Variants in SLC24A2 observed in about 807,000 individuals in gnomAD.
SLC24A2 encodes solute carrier family 24 member 2, also known as sodium/potassium/calcium exchanger 2.
In SLC24A2, 36 loss-of-function variants were observed where a neutral mutation model predicts 62.0. That is an observed-to-expected ratio of 0.58 (90% confidence interval 0.44 to 0.77). SLC24A2 has a LOEUF of 0.77. Ranked by LOEUF, SLC24A2 falls within the 30% of genes least tolerant of loss-of-function variation. SLC24A2 has a pLI of 0.00. For missense variants in SLC24A2, 846 were observed against 817.9 expected (o/e 1.03, Z -0.42); for synonymous variants, 358 against 294.0 (o/e 1.22, Z -2.23).
the SLC24A2 span, among the ~76,000 whole-genome samples, chr9:19,889,807 C>T: frequency 2.0e-5 from 3 of 152,086 alleles, no homozygotes; most frequent in Non-Finnish European, 4.4e-5. Flanking sequence ...TTAGTTTTTT[C>T]TTTTGCTCCA....
At chr9:19,577,720 A>G (rs1229114933) in intron 5 of SLC24A2, among the ~76,000 whole-genome samples, 1 of 152,026 alleles carries the variant, frequency 6.6e-6, no homozygotes, top group African/African-American at 2.4e-5. Flanking sequence ...TGCTTTGGGA[A>G]TGGTGCTGGA....
chr9:19,566,861 C>CA, intron 7 of SLC24A2, among the ~76,000 whole-genome samples: 1 of 147,178 alleles, frequency 6.8e-6, no homozygotes, highest in East Asian at 2.0e-4. Context: ...ATCGCAAGAA[C>CA]AAAAAACCAA....
the SLC24A2 span, among the ~76,000 whole-genome samples, chr9:19,880,940 C>T: frequency 6.6e-6 from 1 of 152,092 alleles, no homozygotes; most frequent in East Asian, 1.9e-4. Context: ...TGCTTAGGTT[C>T]CAGTCTTGGC....
the SLC24A2 span, among the ~76,000 whole-genome samples, chr9:20,248,940 T>A: frequency 6.6e-6 from 1 of 152,026 alleles, no homozygotes; most frequent in Non-Finnish European, 1.5e-5. Flanking sequence ...TCTCCCTTTC[T>A]CCCCCTGGAA....
intron 2 of SLC24A2, among the ~76,000 whole-genome samples, chr9:19,651,518 CAAGG>C (rs1367997145): frequency 2.0e-5 from 3 of 152,304 alleles, no homozygotes; most frequent in Admixed American, 2.0e-4. Context: ...CATTAGACAG[CAAGG>C]AAATATGGTT....
At chr9:20,033,488 T>C in the SLC24A2 span, among the ~76,000 whole-genome samples, 8 of 152,226 alleles carry the variant, frequency 5.3e-5, no homozygotes, top group African/African-American at 1.7e-4. Context: ...TACTTTTTAG[T>C]AGACAGGTGG....
the SLC24A2 span, among the ~76,000 whole-genome samples, chr9:20,295,711 T>C: frequency 6.6e-6 from 1 of 152,218 alleles, no homozygotes; most frequent in Admixed American, 6.5e-5. Flanking sequence ...CTTACACCAG[T>C]GGCACTCTGG....
chr9:19,517,937 A>ACACACACACACACACACACT (rs2132626167), intron 10 of SLC24A2, among the ~76,000 whole-genome samples: 1 of 148,594 alleles, frequency 6.7e-6, no homozygotes, highest in East Asian at 2.0e-4. Flanking sequence ...ACACACACAC[A>ACACACACACACACACACACT]CACACACACA....
chr9:20,163,211 T>C, the SLC24A2 span, among the ~76,000 whole-genome samples: 1 of 152,176 alleles, frequency 6.6e-6, no homozygotes, highest in African/African-American at 2.4e-5. Flanking sequence ...GCAGATGACA[T>C]GATTTTATAT....
intron 2 of SLC24A2, among the ~76,000 whole-genome samples, chr9:19,755,529 G>C (rs113858035): frequency 3.9e-5 from 6 of 152,160 alleles, no homozygotes; most frequent in Admixed American, 2.6e-4. Flanking sequence ...ACAGGTGGCC[G>C]GGTGTGGAAG....
chr9:19,820,360 T>C, the SLC24A2 span, among the ~76,000 whole-genome samples: 1 of 150,254 alleles, frequency 6.7e-6, no homozygotes, highest in East Asian at 2.0e-4. Context: ...ATGGGTGCAC[T>C]AAAATCTCAC....
At chr9:20,223,250 C>T in the SLC24A2 span, among the ~76,000 whole-genome samples, 1 of 152,040 alleles carries the variant, frequency 6.6e-6, no homozygotes, top group East Asian at 1.9e-4. Context: ...TAGAAAAACA[C>T]CTTAATAAAT....
the SLC24A2 span, among the ~76,000 whole-genome samples, chr9:20,298,710 C>T: frequency 6.6e-6 from 1 of 151,704 alleles, no homozygotes; most frequent in East Asian, 1.9e-4. Context: ...TTTGTATGTA[C>T]TAAGTCATTT....
chr9:19,602,279 A>C (rs1300200536), intron 4 of SLC24A2, among the ~76,000 whole-genome samples: 1 of 152,232 alleles, frequency 6.6e-6, no homozygotes, highest in Non-Finnish European at 1.5e-5. Flanking sequence ...TCATACATAT[A>C]GAACCCATCA....
chr9:20,254,986 A>G, the SLC24A2 span, among the ~76,000 whole-genome samples: 17 of 152,282 alleles, frequency 1.1e-4, no homozygotes, highest in East Asian at 3.1e-3. Flanking sequence ...ACAGCACAGG[A>G]AAAATCCACC....
the SLC24A2 span, among the ~76,000 whole-genome samples, chr9:19,853,831 C>A: frequency 6.6e-6 from 1 of 152,096 alleles, no homozygotes; most frequent in East Asian, 1.9e-4. Context: ...AAATGAGTTA[C>A]GGAGGAGTCT....
intron 2 of SLC24A2, among the ~76,000 whole-genome samples, chr9:19,756,735 T>C (rs1460746495): frequency 5.3e-5 from 8 of 152,138 alleles, no homozygotes; most frequent in Non-Finnish European, 2.9e-5. Context: ...CCAGGCTCTT[T>C]GAAAGAAACT....
At chr9:20,125,718 G>A in the SLC24A2 span, among the ~76,000 whole-genome samples, 2 of 152,160 alleles carry the variant, frequency 1.3e-5, no homozygotes, top group Non-Finnish European at 2.9e-5. Flanking sequence ...CTAGCCCATG[G>A]TGGTGAGGGT....
chr9:19,677,461 A>C (rs1418538150), intron 2 of SLC24A2, among the ~76,000 whole-genome samples: 2 of 152,210 alleles, frequency 1.3e-5, no homozygotes, highest in African/African-American at 4.8e-5. Context: ...GTAGAGTATT[A>C]GGAAAAATAA....
Sources: allele counts gnomAD v4.1 joint callset (sites outside exome capture counted in the v4.1 genomes callset), GRCh38; gene constraint gnomAD v4.1.1; transcripts MANE v1.5; gene names NCBI Gene and HGNC (gene_info 2026-07-23, HGNC 2026-07-21).